DAB1: variants seen among roughly 807,000 people sequenced by gnomAD.
The protein encoded by DAB1 is DAB adaptor protein 1.
A neutral mutation model predicts 64.6 loss-of-function variants in DAB1; 15 were observed. The ratio of observed to expected loss-of-function variants is 0.23; its 90% CI spans 0.16 to 0.36. The LOEUF (loss-of-function observed/expected upper bound fraction) is 0.36, where lower values mean the gene tolerates loss of function less well. Among genes scored for constraint, DAB1 ranks in the 10% least tolerant of loss-of-function variants. The probability of loss-of-function intolerance (pLI) is 1.00; values close to 1 mark genes in which losing one functional copy is unlikely to be tolerated. For missense variants in DAB1, 596 were observed against 706.7 expected (o/e 0.84, Z 1.78); for synonymous variants, 235 against 251.9 (o/e 0.93, Z 0.64).
At chr1:57,410,629 C>T (rs1161273843) in intron 1 of DAB1, among the ~76,000 whole-genome samples, 5 of 152,172 alleles carry the variant, frequency 3.3e-5, no homozygotes, top group African/African-American at 9.7e-5. Flanking sequence ...TACTCCTAGC[C>T]GTGTTGATTT....
At chr1:58,221,507 C>T (rs558801614) in intron 4 of DAB1, among the ~76,000 whole-genome samples, 21 of 152,300 alleles carry the variant, frequency 1.4e-4, no homozygotes, top group Admixed American at 2.6e-4. Flanking sequence ...CCATAGCCTC[C>T]GGGGCAGAAA....
In DAB1 at chr1:57,375,461, A is replaced by T. The variant is rs376971966; in HGVS notation, c.-137+48469T>A. ...CTCCACAACAGCCAAGAGTTATATG[A>T]TGCTTGCTATGTCCCAGGCAAGCTC... On this transcript the variant is annotated intron_variant, in intron 1 of 14. Coordinates refer to ENST00000371236, the MANE Select transcript of DAB1 (RefSeq NM_001365792.1). 1.3e-4 allele frequency among the ~76,000 whole-genome samples: 20 copies of T among 152,196 alleles called. No homozygotes were observed. The East Asian group carries it at 1.5e-3, about 12-fold the overall frequency.
intron 4 of DAB1, among the ~76,000 whole-genome samples, chr1:57,117,757 T>A (rs528858870): frequency 2.0e-5 from 3 of 152,328 alleles, no homozygotes; most frequent in African/African-American, 7.2e-5. Context: ...GGTGCTGTTA[T>A]GTTTCTAAGC....
At chr1:58,116,632 C>G (rs987263832) in intron 5 of DAB1, among the ~76,000 whole-genome samples, 1 of 152,198 alleles carries the variant, frequency 6.6e-6, no homozygotes, top group East Asian at 1.9e-4. Flanking sequence ...CTGACTGGCT[C>G]TCTGTCCCTG....
At chr1:57,244,142 T>C (rs1244571798) in intron 2 of DAB1, among the ~76,000 whole-genome samples, 1 of 152,234 alleles carries the variant, frequency 6.6e-6, no homozygotes, top group Non-Finnish European at 1.5e-5. Context: ...TTGGCTCTCT[T>C]ATTTTTTATT....
At position 57,010,797 on chromosome 1, in the gene DAB1, C is replaced by T. The variant is rs565912104; in HGVS notation, c.1573-7G>A. The T allele has an allele frequency of 2.2e-5, 34 of 1,546,270 alleles. No individual in the cohort carries two copies. The South Asian group carries it at 3.2e-4, about 14-fold the overall frequency. On this transcript the variant is annotated splice_region_variant and splice_polypyrimidine_tract_variant and intron_variant, in intron 13 of 14. Coordinates refer to ENST00000371236, the MANE Select transcript of DAB1 (RefSeq NM_001365792.1). ...AGGCCTGTGATCCATCAGGCTAGAACACAAGAAGATAATACTTTTTTTTTT... is the reference window on the plus strand; with the variant it reads ...AGGCCTGTGATCCATCAGGCTAGAATACAAGAAGATAATACTTTTTTTTTT...
intron 4 of DAB1, among the ~76,000 whole-genome samples, chr1:58,213,347 C>T (rs985021945): frequency 2.0e-5 from 3 of 152,050 alleles, no homozygotes; most frequent in Non-Finnish European, 4.4e-5. Flanking sequence ...TCTTATGCTG[C>T]TAATAAAGAC....
intron 4 of DAB1, among the ~76,000 whole-genome samples, chr1:58,280,594 T>C (rs1277419355): frequency 1.3e-5 from 2 of 152,234 alleles, no homozygotes; most frequent in Non-Finnish European, 2.9e-5. Context: ...TTTTACAGCC[T>C]GCAAATAAAA....
chr1:57,922,102 T>TCTTG (rs1644816028), intron 5 of DAB1, among the ~76,000 whole-genome samples: 1 of 152,214 alleles, frequency 6.6e-6, no homozygotes, highest in Admixed American at 6.5e-5. Context: ...TATTCCCTCA[T>TCTTG]CTTGCCTCAT....
At chr1:57,728,370 G>C (rs1173324640) in intron 6 of DAB1, among the ~76,000 whole-genome samples, 1 of 152,126 alleles carries the variant, frequency 6.6e-6, no homozygotes, top group Non-Finnish European at 1.5e-5. Flanking sequence ...ACGGCAGGCA[G>C]ATCATGAGGT....
chr1:57,800,558 C>T (rs554975266), intron 6 of DAB1, among the ~76,000 whole-genome samples: 23 of 152,190 alleles, frequency 1.5e-4, no homozygotes, highest in South Asian at 1.2e-3. Flanking sequence ...CTTCCCCATG[C>T]GATGGTAACA....
chr1:57,129,791 G>A (rs1385364742), intron 4 of DAB1, among the ~76,000 whole-genome samples: 1 of 151,970 alleles, frequency 6.6e-6, no homozygotes, highest in Non-Finnish European at 1.5e-5. Flanking sequence ...ATATTTTACT[G>A]TCTATATGGC....
chr1:58,440,779 A>T (rs1209529647), intron 3 of DAB1, among the ~76,000 whole-genome samples: 1 of 152,206 alleles, frequency 6.6e-6, no homozygotes, highest in Admixed American at 6.5e-5. Flanking sequence ...TAGCTGAGAG[A>T]GCTGAGGCAC....
At chr1:58,431,898 G>C (rs1234170598) in intron 3 of DAB1, among the ~76,000 whole-genome samples, 2 of 152,190 alleles carry the variant, frequency 1.3e-5, no homozygotes, top group African/African-American at 4.8e-5. Context: ...AGAACTCAGA[G>C]GAAAGCGTGA....
At position 58,343,630 on chromosome 1, in the gene DAB1, A is replaced by G. The variant is rs1413544616; in HGVS notation, n.258-227T>C. Among the ~76,000 whole-genome samples, 6 of 152,250 alleles carry G rather than the reference A, an allele frequency of 3.9e-5. No individual in the cohort carries two copies. In the South Asian group the frequency reaches 1.2e-3, roughly 31 times the overall value. On this transcript the variant is annotated intron_variant and non_coding_transcript_variant, in intron 3 of 20. Transcript: ENST00000485760. Reference sequence around the variant, plus strand: ...ATTCATGTTGTGCTGCGTGAAGAGCAGTGAGCAAAAAGTTAAACCACATTG... The same window carrying G: ...ATTCATGTTGTGCTGCGTGAAGAGCGGTGAGCAAAAAGTTAAACCACATTG...
chr1:57,388,369 T>A (rs1277778872), intron 1 of DAB1, among the ~76,000 whole-genome samples: 1 of 152,176 alleles, frequency 6.6e-6, no homozygotes, highest in African/African-American at 2.4e-5. Context: ...ATAACAGGCA[T>A]CTCCTCCCTC....
At chr1:58,437,272 T>C (rs1644955612) in intron 3 of DAB1, among the ~76,000 whole-genome samples, 1 of 152,124 alleles carries the variant, frequency 6.6e-6, no homozygotes, top group Admixed American at 6.5e-5. Flanking sequence ...TTGACAAGTA[T>C]CCTGCCCCCA....
intron 6 of DAB1, among the ~76,000 whole-genome samples, chr1:57,757,985 TA>T (rs1033995829): frequency 9.9e-5 from 15 of 152,188 alleles, no homozygotes; most frequent in African/African-American, 3.4e-4. Context: ...CACAGTTAAT[TA>T]AAAGAAAAAT....
chr1:57,372,450 G>T (rs1471667125), intron 1 of DAB1, among the ~76,000 whole-genome samples: 1 of 152,138 alleles, frequency 6.6e-6, no homozygotes, highest in Non-Finnish European at 1.5e-5. Context: ...TTCCAATTTG[G>T]AATTTAGCAC....
Sources: gnomAD v4.1 joint callset for allele counts (sites outside exome capture counted in the v4.1 genomes callset) on GRCh38, gnomAD v4.1.1 for gene constraint, MANE v1.5 for transcripts, NCBI Gene and HGNC (gene_info 2026-07-23, HGNC 2026-07-21) for gene names.